The following ANO10 variants were observed in gnomAD, a reference collection of about 807,000 sequenced individuals.
The protein encoded by ANO10 is anoctamin-10.
A neutral mutation model predicts 74.7 loss-of-function variants in ANO10; 77 were observed. The observed-to-expected ratio is 1.03, with a 90% CI of 0.86 to 1.25. The LOEUF is 1.25. Among genes scored for constraint, ANO10 ranks in the 50% most tolerant of loss-of-function variants. The pLI, the probability that ANO10 is intolerant of heterozygous loss-of-function variation, is 0.00. For missense variants in ANO10, 721 were observed against 778.1 expected, an observed-to-expected ratio of 0.93 and a Z score of 0.87; for synonymous variants, 279 against 284.9, an observed-to-expected ratio of 0.98 and a Z score of 0.21.
chr3:43,466,000 G>C (rs1026534733), intron 11 of ANO10, among the ~76,000 whole-genome samples: 2 of 152,132 alleles, frequency 1.3e-5, no homozygotes, highest in Admixed American at 6.5e-5. Flanking sequence ...TGGGAATGCA[G>C]AGAATCCAGA....
chr3:43,680,110 A>G (rs1265354679), intron 1 of ANO10, among the ~76,000 whole-genome samples: 2 of 152,220 alleles, frequency 1.3e-5, no homozygotes, highest in Non-Finnish European at 2.9e-5. Flanking sequence ...AGTTGAGAGA[A>G]GAAGACTTCA....
At chr3:43,582,908 T>C (rs2081325182) in intron 4 of ANO10, among the ~76,000 whole-genome samples, 1 of 152,242 alleles carries the variant, frequency 6.6e-6, no homozygotes, top group South Asian at 2.1e-4. Flanking sequence ...CTGTTCTGAT[T>C]CTTATTCCTT....
intron 11 of ANO10, among the ~76,000 whole-genome samples, chr3:43,511,403 T>C (rs2077503518): frequency 6.6e-6 from 1 of 152,220 alleles, no homozygotes; most frequent in Non-Finnish European, 1.5e-5. Flanking sequence ...CAATTCTATT[T>C]AGTCCTAGAG....
chr3:43,466,392 C>CAAAAAAAAA (rs751455876), intron 11 of ANO10, among the ~76,000 whole-genome samples: 6 of 124,824 alleles, frequency 4.8e-5, no homozygotes, highest in African/African-American at 9.1e-5. Context: ...AAAAAACAAA[C>CAAAAAAAAA]AAAAAAACCA....
chr3:43,485,052 T>C (rs1208608735), intron 11 of ANO10: 3 of 1,371,028 alleles, frequency 2.2e-6, no homozygotes, highest in Non-Finnish European at 3.0e-6. Context: ...AGCAGGAACT[T>C]GATCTTGGAG....
chr3:43,606,331 G>C (rs1343411978), intron 1 of ANO10, among the ~76,000 whole-genome samples: 1 of 152,116 alleles, frequency 6.6e-6, no homozygotes, highest in Non-Finnish European at 1.5e-5. Flanking sequence ...AGGTATGGTG[G>C]GAACATTAAC....
intron 11 of ANO10, among the ~76,000 whole-genome samples, chr3:43,526,408 G>A (rs182416491): frequency 1.4e-4 from 22 of 152,254 alleles, no homozygotes; most frequent in East Asian, 5.8e-4. Context: ...ACGGAGAAGC[G>A]TCAGCATGCA....
Position 43,576,827 on chromosome 3 carries a change from C to T in ANO10, c.1027G>A (p.Ala343Thr), listed in dbSNP as rs747996814. ...MMIYFDMEVWALGLHENSGSE... is the reference protein window; with the variant it reads ...MMIYFDMEVWTLGLHENSGSE... ...CCGCTGTTCTCATGTAGACCCAAGG[C>T]CCAAACCTCCATGTCGAAGTAAATC... The change falls in exon 6 of 13, where the codon GCC (alanine) becomes ACC (threonine). Residue 343 changes from alanine (A) to threonine (T), a missense_variant. Physicochemically the swap from Ala to Thr is moderately conservative, Grantham distance 58. Coordinates refer to ENST00000292246, the MANE Select transcript of ANO10 (RefSeq NM_018075.5). 3.1e-6 allele frequency: 5 copies of T among 1,614,112 alleles called. No homozygotes were observed. In the East Asian group the frequency reaches 8.9e-5, roughly 29 times the overall value.
rs112559107 is a variant in ANO10, at chr3:43,656,376, C to T, written c.-12+35141G>A. On this transcript the variant is annotated intron_variant, in intron 1 of 3. Coordinates refer to the ANO10 transcript ENST00000413397. ...CCAGCTGGCTTCACCCAGTGGATCC[C>T]GCACAGGGGCTGCAGGTGGAGCTGC... Among the ~76,000 whole-genome samples, 1,084 of 152,374 alleles carry T rather than the reference C, an allele frequency of 7.1e-3. 15 individuals are homozygous for T. Among genetic ancestry groups the T allele is most frequent in the African/African-American group, 0.024 (1,000 of 41,586 alleles).
At position 43,597,862 on chromosome 3, in the gene ANO10, G is replaced by C. The variant is rs545584666; in HGVS notation, c.472+670C>G. On this transcript the variant is annotated intron_variant, in intron 4 of 12. Coordinates refer to ENST00000292246, the MANE Select transcript of ANO10 (RefSeq NM_018075.5). ...GAGCCCAGGAGATGGAGGCCACAGT[G>C]AGCCATGTTCACACCACTGCACTCC... Among the ~76,000 whole-genome samples the C allele has an allele frequency of 1.5e-4, 23 of 152,120 alleles. No individual in the cohort carries two copies. In the South Asian group the frequency reaches 4.8e-3, roughly 32 times the overall value.
At chr3:43,496,648 A>C (rs1478578991) in intron 11 of ANO10, among the ~76,000 whole-genome samples, 2 of 151,982 alleles carry the variant, frequency 1.3e-5, no homozygotes, top group East Asian at 1.9e-4. Context: ...GGCAGAGACA[A>C]GGTTTCGTCA....
chr3:43,691,028 C>T lies in ANO10; in HGVS notation c.-12+489G>A, dbSNP rs202004711. 9 of 1,562,348 alleles carry T rather than the reference C, an allele frequency of 5.8e-6. No homozygotes were observed. The highest frequency in any genetic ancestry group is 7.8e-6 in the Non-Finnish European group (9 of 1,156,690). On this transcript the variant is annotated intron_variant, in intron 1 of 3. Coordinates refer to the ANO10 transcript ENST00000413397. ...AGGAGGAGGAGGTGGACTCTGCCGA[C>T]ACCGGAGAGAGGTAAGCGCAGCCGG... is the stretch of plus-strand genomic sequence containing the variant.
chr3:43,639,169 C>G (rs1022227005), intron 1 of ANO10: 1 of 152,332 alleles, frequency 6.6e-6, no homozygotes, highest in Admixed American at 6.5e-5. Flanking sequence ...AGTCACACAC[C>G]ATCATTTCTG....
chr3:43,480,781 C>A (rs2076236753), intron 11 of ANO10, among the ~76,000 whole-genome samples: 1 of 152,136 alleles, frequency 6.6e-6, no homozygotes, highest in Non-Finnish European at 1.5e-5. Context: ...ACACAACACA[C>A]TGAGAGGCTG....
chr3:43,567,717 C>T (rs924181617), intron 7 of ANO10, among the ~76,000 whole-genome samples: 2 of 151,972 alleles, frequency 1.3e-5, no homozygotes, highest in Non-Finnish European at 2.9e-5. Flanking sequence ...TGGTACCAGC[C>T]ACTGCAAAAT....
At chr3:43,456,928 T>C (rs2075156017) in intron 11 of ANO10, among the ~76,000 whole-genome samples, 1 of 152,222 alleles carries the variant, frequency 6.6e-6, no homozygotes, top group Non-Finnish European at 1.5e-5. Context: ...CTTGTAAATC[T>C]TGCTCCAGAG....
intron 1 of ANO10, among the ~76,000 whole-genome samples, chr3:43,667,079 T>G (rs961036428): frequency 3.0e-5 from 4 of 132,850 alleles, no homozygotes; most frequent in Non-Finnish European, 6.4e-5. Flanking sequence ...CATGTTTTTT[T>G]TTTTTTTTTT....
At chr3:43,448,101 TACC>T (rs1248029495) in intron 11 of ANO10, among the ~76,000 whole-genome samples, 2 of 152,198 alleles carry the variant, frequency 1.3e-5, no homozygotes, top group Non-Finnish European at 2.9e-5. Flanking sequence ...TTCCTCTGTC[TACC>T]ACATGAGGAT....
chr3:43,679,030 T>G (rs1255293786), intron 1 of ANO10, among the ~76,000 whole-genome samples: 4 of 151,942 alleles, frequency 2.6e-5, no homozygotes, highest in Non-Finnish European at 5.9e-5. Context: ...AGAAGACGGG[T>G]GATTTCTGCA....
Sources: allele counts gnomAD v4.1 joint callset (sites outside exome capture counted in the v4.1 genomes callset), GRCh38; gene constraint gnomAD v4.1.1; transcripts MANE v1.5; gene names NCBI Gene and HGNC (gene_info 2026-07-23, HGNC 2026-07-21).